The following TRIM66 variants were observed in gnomAD, a reference collection of about 807,000 sequenced individuals.
TRIM66 encodes the protein tripartite motif-containing protein 66.
TRIM66 carries 99 observed loss-of-function variants against 148.2 expected under a neutral mutation model. That is an observed-to-expected ratio of 0.67 (90% confidence interval 0.57 to 0.79). The LOEUF is 0.79. Ranked by LOEUF, TRIM66 falls within the 30% of genes least tolerant of loss-of-function variation. The pLI is 0.00. For missense variants in TRIM66, 1,666 were observed against 1,697.9 expected (o/e 0.98, Z 0.33); for synonymous variants, 616 against 635.9 (o/e 0.97, Z 0.47).
chr11:8,617,929 G>A lies in TRIM66; in HGVS notation c.*15C>T. 6.4e-7 allele frequency: 1 copy of A among 1,551,570 alleles called. No homozygotes were observed. Among genetic ancestry groups the A allele is most frequent in the East Asian group, 2.4e-5 (1 of 40,920 alleles). ...GGGACAACAGCTGCCAGAGTGCCCA[G>A]TCTCCTTTTGGCTCTCACACCTGAG... On this transcript the variant is annotated 3_prime_UTR_variant, in exon 25 of 25. Transcript: ENST00000646038.
chr11:8,620,672 G>A (rs1448999156), intron 20 of TRIM66, 100 bp from the exon 21 acceptor site: 21 of 1,456,504 alleles, frequency 1.4e-5, no homozygotes, highest in Admixed American at 5.3e-5. Context: ...CTGAGTCTCC[G>A]GCTTTGCCGT....
At position 8,624,895 on chromosome 11, in the gene TRIM66, G is replaced by A; in HGVS notation, c.2644C>T (p.Pro882Ser). Residue 882 changes from proline to serine, a missense_variant, in exon 16 of 25, where the codon CCC becomes TCC. Pro to Ser is a moderately conservative substitution (Grantham distance 74). Around this residue, in one of 3 missense-constraint regions of TRIM66, gnomAD observed 1,431 missense variants for 1,412.4 expected, o/e 1.01. Coordinates refer to ENST00000646038, the MANE Select transcript of TRIM66 (RefSeq NM_001388022.1). ...TGGGTGTGACCAGACATTAGGCTGG[G>A]CCCAGCCTGAGGGTGATCACTTGCC... ...SLASDHPQAGPSLMSGHTQAV... is the reference protein window; with the variant it reads ...SLASDHPQAGSSLMSGHTQAV... The A allele has an allele frequency of 1.3e-6, 2 of 1,551,636 alleles. No individual in the cohort carries two copies. The highest frequency in any genetic ancestry group is 1.7e-6 in the Non-Finnish European group (2 of 1,146,930).
At chr11:8,643,881 C>T (rs2036619413) in intron 12 of TRIM66, among the ~76,000 whole-genome samples, 1 of 152,184 alleles carries the variant, frequency 6.6e-6, no homozygotes, top group Admixed American at 6.5e-5. Context: ...CACTAACTCT[C>T]CTATTTATCC....
Position 8,671,884 on chromosome 11 carries a change from T to C in TRIM66, c.242A>G (p.His81Arg), listed in dbSNP as rs1344053136. 1 of 1,535,946 alleles carries C rather than the reference T, an allele frequency of 6.5e-7. No homozygotes were observed. Among genetic ancestry groups the C allele is most frequent in the African/African-American group, 1.4e-5 (1 of 73,048 alleles). ...CHQDLPGMGS[H>R]LLSCQHLLRK... ...GAGCAAATGCTGGCAGGATAGGAGA[T>C]GAGAGCCCATACCTGGCAGGTCCTG... is the stretch of plus-strand genomic sequence containing the variant. The change falls in exon 6 of 25, where the codon CAT (histidine) becomes CGT (arginine). Residue 81 changes from histidine (H) to arginine (R), a missense_variant. His to Arg is a conservative substitution (Grantham distance 29). This residue lies in a region of TRIM66 where 1,431 missense variants were observed against 1,412.4 expected (regional missense o/e 1.01). Coordinates refer to ENST00000646038, the MANE Select transcript of TRIM66 (RefSeq NM_001388022.1).
rs115132692 is a variant in TRIM66 at position 8,676,291 on chromosome 11, C to T, written c.-189-1408G>A. Among the ~76,000 whole-genome samples, 1,359 of 151,534 alleles carry T rather than the reference C, an allele frequency of 9.0e-3. 21 individuals are homozygous for T. Among genetic ancestry groups the T allele is most frequent in the African/African-American group, 0.031 (1,274 of 41,236 alleles). ...TGGTAAAGAATATAAGGTTTTGTTC[C>T]AGTTTGGTGCCCAAAACATCAGCAG... On this transcript the variant is annotated intron_variant, in intron 3 of 24. Transcript: ENST00000646038.
rs1419066746 is a variant in TRIM66, at chr11:8,638,820, A to T, written c.2149-5T>A. ...TGCTGGGGGCTCATCTGTAGCCTGG[A>T]GAAGAAAATAAGAACTTGGGTGGGT... On this transcript the variant is annotated splice_region_variant and splice_polypyrimidine_tract_variant and intron_variant, in intron 14 of 24. Coordinates refer to ENST00000646038, the MANE Select transcript of TRIM66 (RefSeq NM_001388022.1). 4 of 1,549,910 alleles carry T rather than the reference A, an allele frequency of 2.6e-6. No homozygotes were observed. The highest frequency in any genetic ancestry group is 3.5e-6 in the Non-Finnish European group (4 of 1,146,590).
Position 8,621,769 on chromosome 11 carries a change from T to C in TRIM66, c.3131A>G (p.Lys1044Arg), listed in dbSNP as rs748560078. ...CTCTCCTGAGGAGGCAGCACAGATC[T>C]TGAGTCGCTCCAGTCGCACATAGGG... ...KIPYVRLERL[K>R]ICAASSGEMP... Residue 1044 changes from lysine (K) to arginine (R), a missense_variant, in exon 19 of 25, where the codon AAG becomes AGG. Transcript: ENST00000646038. The C allele has an allele frequency of 3.0e-5, 47 of 1,551,038 alleles. No homozygotes were observed. Among genetic ancestry groups the C allele is most frequent in the Non-Finnish European group, 3.7e-5 (43 of 1,146,868 alleles).
At chr11:8,671,731 C>T (rs1428335174) in intron 6 of TRIM66, 55 bp downstream of exon 6, 1 of 803,008 alleles carries the variant, frequency 1.2e-6, no homozygotes, top group Non-Finnish European at 2.1e-6. Context: ...TCCTATGAAA[C>T]AGGAAGAGAC....
In TRIM66 at chr11:8,618,834, C is replaced by G. The variant is rs1363389537; in HGVS notation, c.4035G>C (p.Glu1345Asp). The change falls in exon 24 of 25, where the codon GAG becomes GAC. Residue 1345 changes from glutamate to aspartate, a missense_variant. Transcript: ENST00000646038. The stretch of plus-strand genomic sequence containing the variant: ...AGCCCTGGGGAGTGGAACATCCACT[C>G]TCACTAGACACCTCCTCGGAGTCTG... ...EDSDSEEVSS[E>D]SGCSTPQGFP... The G allele has an allele frequency of 6.4e-7, 1 of 1,551,334 alleles. No individual in the cohort carries two copies. Among genetic ancestry groups the G allele is most frequent in the Non-Finnish European group, 8.7e-7 (1 of 1,146,974 alleles).
At chr11:8,645,355 C>T (rs560535408) in intron 12 of TRIM66, among the ~76,000 whole-genome samples, 1 of 152,306 alleles carries the variant, frequency 6.6e-6, no homozygotes, top group African/African-American at 2.4e-5. Flanking sequence ...AACCTTATCT[C>T]CAACTCCTTT....
At chr11:8,657,029 C>A (rs956059859) in intron 6 of TRIM66, among the ~76,000 whole-genome samples, 4 of 152,196 alleles carry the variant, frequency 2.6e-5, no homozygotes, top group African/African-American at 9.7e-5. Flanking sequence ...CTGCTGGGAC[C>A]TAGAACATGT....
At chr11:8,671,401 A>G (rs2038922178) in intron 6 of TRIM66, among the ~76,000 whole-genome samples, 1 of 152,186 alleles carries the variant, frequency 6.6e-6, no homozygotes, top group South Asian at 2.1e-4. Context: ...TTCACTAGTC[A>G]GTGTGATTCT....
At chr11:8,682,997 C>T, upstream of TRIM66, 1 of 919,992 alleles carries the variant, frequency 1.1e-6, no homozygotes, top group East Asian at 2.6e-5. Flanking sequence ...TGTGTTAGGC[C>T]CGCGGTTCGG....
upstream of TRIM66, chr11:8,682,955 G>A: frequency 8.2e-7 from 1 of 1,221,516 alleles, no homozygotes; most frequent in Non-Finnish European, 1.1e-6. Flanking sequence ...CAGGGTGGCC[G>A]GCGCGGGCCC....
chr11:8,666,714 A>T (rs1167032074), intron 6 of TRIM66, among the ~76,000 whole-genome samples: 3 of 152,186 alleles, frequency 2.0e-5, no homozygotes, highest in Non-Finnish European at 4.4e-5. Context: ...ATCAGGAATG[A>T]CACTCAGATG....
chr11:8,652,135 A>G (rs2037411483), intron 6 of TRIM66, among the ~76,000 whole-genome samples: 1 of 152,044 alleles, frequency 6.6e-6, no homozygotes, highest in African/African-American at 2.4e-5. Context: ...TCTTGTCTTT[A>G]CCTGGTCCTA....
Position 8,614,359 on chromosome 11 carries a change from A to G in TRIM66, c.*3585T>C, listed in dbSNP as rs1419519726. The G allele has an allele frequency of 6.6e-6, 1 of 152,042 alleles. No homozygotes were observed. Among genetic ancestry groups the G allele is most frequent in the Non-Finnish European group, 1.5e-5 (1 of 68,054 alleles). The allele number at this position is 152,042 out of a possible 1,614,324, so 9.4% of individuals were successfully genotyped here. On this transcript the variant is annotated 3_prime_UTR_variant, in exon 25 of 25. Transcript: ENST00000646038. Reference sequence around the variant, plus strand: ...CTCTCTCAAAAAATAAAAAATAAATAAATAAATAAATAAATAAAGTTGAAG... The same window carrying G: ...CTCTCTCAAAAAATAAAAAATAAATGAATAAATAAATAAATAAAGTTGAAG...
chr11:8,677,912 T>C (rs1259027331), intron 3 of TRIM66, among the ~76,000 whole-genome samples: 1 of 152,156 alleles, frequency 6.6e-6, no homozygotes, highest in Non-Finnish European at 1.5e-5. Flanking sequence ...ATCTTCCAAT[T>C]AGATTATTTT....
chr11:8,621,854 G>A (rs1399358626), intron 18 of TRIM66, 35 bp from the exon 19 acceptor site: 2 of 1,499,580 alleles, frequency 1.3e-6, no homozygotes, highest in Non-Finnish European at 1.8e-6. Context: ...GTCTTGGTGG[G>A]ATCCTCCTCT....
Sources: allele counts gnomAD v4.1 joint callset (sites outside exome capture counted in the v4.1 genomes callset), GRCh38; gene constraint gnomAD v4.1.1; regional missense constraint gnomAD v4.1.1; transcripts MANE v1.5; gene names NCBI Gene and HGNC (gene_info 2026-07-23, HGNC 2026-07-21).